The following ARHGAP22 variants were observed in gnomAD, a reference collection of about 807,000 sequenced individuals.
ARHGAP22 encodes Rho GTPase activating protein 22.
ARHGAP22 carries 48 observed loss-of-function variants against 59.1 expected under a neutral mutation model. The ratio of observed to expected loss-of-function variants is 0.81; its 90% CI spans 0.64 to 1.03. ARHGAP22 has a LOEUF of 1.03. Ranked by LOEUF, ARHGAP22 falls within the 50% of genes least tolerant of loss-of-function variation. The pLI is 0.00. For missense variants in ARHGAP22, 1,015 were observed against 958.7 expected, an observed-to-expected ratio of 1.06 and a Z score of -0.78; for synonymous variants, 445 against 416.4, an observed-to-expected ratio of 1.07 and a Z score of -0.84.
chr10:48,546,100 C>T (rs918126200), intron 3 of ARHGAP22, among the ~76,000 whole-genome samples: 5 of 152,236 alleles, frequency 3.3e-5, no homozygotes, highest in African/African-American at 1.2e-4. Flanking sequence ...GAGAACTTGA[C>T]ACATAAACTT....
intron 1 of ARHGAP22, among the ~76,000 whole-genome samples, chr10:48,612,838 G>A (rs146566548): frequency 2.2e-3 from 342 of 152,218 alleles, no homozygotes; most frequent in Middle Eastern, 0.01. Flanking sequence ...AGATGGTGCA[G>A]TCCCCCACTT....
intron 3 of ARHGAP22, among the ~76,000 whole-genome samples, chr10:48,535,482 G>A (rs911576592): frequency 6.6e-6 from 1 of 152,226 alleles, no homozygotes; most frequent in African/African-American, 2.4e-5. Context: ...AGCTGGTGCT[G>A]ACAGCAGCCT....
At chr10:48,485,902 A>T (rs2049810405) in intron 3 of ARHGAP22, among the ~76,000 whole-genome samples, 1 of 152,100 alleles carries the variant, frequency 6.6e-6, no homozygotes, top group Non-Finnish European at 1.5e-5. Flanking sequence ...ATTTTTTATC[A>T]GGCATATAGT....
chr10:48,556,990 A>G (rs1038534814), intron 2 of ARHGAP22, among the ~76,000 whole-genome samples: 6 of 152,230 alleles, frequency 3.9e-5, no homozygotes, highest in African/African-American at 1.4e-4. Flanking sequence ...CCAAGGACAC[A>G]TGGAAGTGAC....
At chr10:48,557,549 C>T (rs1011600020) in intron 2 of ARHGAP22, among the ~76,000 whole-genome samples, 3 of 152,184 alleles carry the variant, frequency 2.0e-5, no homozygotes, top group Non-Finnish European at 4.4e-5. Flanking sequence ...TGCAACCAGC[C>T]CTGTGCCCAC....
intron 1 of ARHGAP22, among the ~76,000 whole-genome samples, chr10:48,644,392 A>T (rs2062201953): frequency 6.6e-6 from 1 of 152,220 alleles, no homozygotes; most frequent in Non-Finnish European, 1.5e-5. Context: ...GAATATCAGC[A>T]ACTATATAGA....
rs116168832 is a variant in ARHGAP22, at chr10:48,652,072, C to T, written c.52+162G>A. 7.5e-3 allele frequency among the ~76,000 whole-genome samples: 1,141 copies of T among 152,286 alleles called. 10 individuals are homozygous for T. Among genetic ancestry groups the T allele is most frequent in the African/African-American group, 0.021 (853 of 41,550 alleles). On this transcript the variant is annotated intron_variant, in intron 1 of 9. Coordinates refer to the ARHGAP22 transcript ENST00000435790. ...AGTTCAGGGGTGGGGTTTGTGCCATCAGCCATTTCCAGGAGCTGAAGGAGG... is the reference window on the plus strand; with the variant it reads ...AGTTCAGGGGTGGGGTTTGTGCCATTAGCCATTTCCAGGAGCTGAAGGAGG...
rs1331729690 is a variant in ARHGAP22, at chr10:48,536,922, C to T, written c.322+18541G>A. Among the ~76,000 whole-genome samples the T allele has an allele frequency of 2.0e-5, 3 of 152,158 alleles. No individual in the cohort carries two copies. The East Asian group carries it at 5.8e-4, about 29-fold the overall frequency. On this transcript the variant is annotated intron_variant, in intron 3 of 9. Transcript: ENST00000249601. ...CCACAAATTTCTTTTCCTCCCCAAG[C>T]TCTCTCAACCAATCACCCCTCTTCT...
chr10:48,450,365 G>A lies in ARHGAP22; in HGVS notation c.1764C>T (p.Pro588=). ...SNSEPSEPDS[P]TREHARRSEA... ...CGGAGCGGCGCGCGTGTTCCCGGGT[G>A]GGGCTGTCCGGCTCGCTGGGCTCGC... The change falls in exon 9 of 10, where the codon CCC becomes CCT. Residue 588 remains proline, a synonymous_variant. Coordinates refer to ENST00000249601, the MANE Select transcript of ARHGAP22 (RefSeq NM_021226.4). The A allele has an allele frequency of 6.3e-7, 1 of 1,585,308 alleles. No homozygotes were observed. The highest frequency in any genetic ancestry group is 2.3e-5 in the East Asian group (1 of 43,104).
At chr10:48,471,854 T>G (rs1369799990) in intron 4 of ARHGAP22, among the ~76,000 whole-genome samples, 1 of 152,224 alleles carries the variant, frequency 6.6e-6, no homozygotes, top group Admixed American at 6.5e-5. Context: ...TCTTAAATGA[T>G]GTATTACATC....
intron 3 of ARHGAP22, among the ~76,000 whole-genome samples, chr10:48,511,859 C>T (rs2052801379): frequency 6.6e-6 from 1 of 152,260 alleles, no homozygotes; most frequent in South Asian, 2.1e-4. Flanking sequence ...TAAAAATCCT[C>T]TCTGCCGCTT....
At chr10:48,494,430 T>C (rs911576527) in intron 3 of ARHGAP22, among the ~76,000 whole-genome samples, 6 of 152,180 alleles carry the variant, frequency 3.9e-5, no homozygotes, top group African/African-American at 7.2e-5. Context: ...CAGGCAGCCC[T>C]GGAGGGCAGA....
chr10:48,590,770 G>A (rs1166685023), intron 1 of ARHGAP22, among the ~76,000 whole-genome samples: 1 of 152,064 alleles, frequency 6.6e-6, no homozygotes, highest in Non-Finnish European at 1.5e-5. Context: ...TGGCCGTCCT[G>A]GGGACTCTGG....
At chr10:48,582,756 TG>T in intron 2 of ARHGAP22, 196 bp downstream of exon 2, 1 of 617,508 alleles carries the variant, frequency 1.6e-6, no homozygotes, top group Non-Finnish European at 2.8e-6. Flanking sequence ...GCAGAAGTTG[TG>T]GACATGTTCC....
chr10:48,447,017 C>T (rs1281162390), intron 9 of ARHGAP22, among the ~76,000 whole-genome samples: 1 of 152,208 alleles, frequency 6.6e-6, no homozygotes, highest in Non-Finnish European at 1.5e-5. Flanking sequence ...TCCCCTCCCA[C>T]AGCTCCCTGC....
intron 1 of ARHGAP22, among the ~76,000 whole-genome samples, chr10:48,596,534 C>G (rs768298303): frequency 2.0e-5 from 3 of 152,176 alleles, no homozygotes; most frequent in East Asian, 1.9e-4. Context: ...AGCACGGGAA[C>G]AGGAAGATGC....
intron 1 of ARHGAP22, among the ~76,000 whole-genome samples, chr10:48,615,477 G>T (rs1292312054): frequency 6.6e-6 from 1 of 152,158 alleles, no homozygotes; most frequent in African/African-American, 2.4e-5. Flanking sequence ...ATCCTGGAAA[G>T]AAGAGAAAAT....
At chr10:48,544,645 G>C (rs75229181) in intron 3 of ARHGAP22, among the ~76,000 whole-genome samples, 2 of 152,106 alleles carry the variant, frequency 1.3e-5, no homozygotes, top group Non-Finnish European at 2.9e-5. Flanking sequence ...GAATAACTTG[G>C]GTATGTGACT....
intron 3 of ARHGAP22, among the ~76,000 whole-genome samples, chr10:48,545,424 G>A (rs1291269273): frequency 1.3e-5 from 2 of 152,202 alleles, no homozygotes; most frequent in Non-Finnish European, 2.9e-5. Context: ...AAGTGTAAGA[G>A]CCACTCCCAT....
Sources: allele counts gnomAD v4.1 joint callset (sites outside exome capture counted in the v4.1 genomes callset), GRCh38; gene constraint gnomAD v4.1.1; transcripts MANE v1.5; gene names NCBI Gene and HGNC (gene_info 2026-07-23, HGNC 2026-07-21).